GUCY1A2: variants seen among roughly 807,000 people sequenced by gnomAD.
GUCY1A2 encodes the protein guanylate cyclase 1 soluble subunit alpha 2, also known as guanylate cyclase soluble subunit alpha-2.
In GUCY1A2, 27 loss-of-function variants were observed where a neutral mutation model predicts 63.5. The ratio of observed to expected loss-of-function variants is 0.43; its 90% CI spans 0.31 to 0.59. The LOEUF (loss-of-function observed/expected upper bound fraction) is 0.59, where lower values mean the gene tolerates loss of function less well. GUCY1A2 is among the 20% of genes least tolerant of loss of function. GUCY1A2 has a pLI of 0.11. For missense variants in GUCY1A2, 768 were observed against 913.3 expected, an observed-to-expected ratio of 0.84 and a Z score of 2.05; for synonymous variants, 364 against 343.5, an observed-to-expected ratio of 1.06 and a Z score of -0.66.
chr11:106,971,024 A>G (rs1861186313), intron 3 of GUCY1A2, among the ~76,000 whole-genome samples: 1 of 152,178 alleles, frequency 6.6e-6, no homozygotes, highest in African/African-American at 2.4e-5. Context: ...GCAAAACTAT[A>G]GCATGGCAAA....
intron 4 of GUCY1A2, among the ~76,000 whole-genome samples, chr11:106,880,402 G>A (rs1160377795): frequency 6.6e-6 from 1 of 151,870 alleles, no homozygotes; most frequent in African/African-American, 2.4e-5. Flanking sequence ...AAACTGTAGT[G>A]GTTCTCCTGT....
chr11:106,842,396 T>A (rs1392450895), intron 4 of GUCY1A2, among the ~76,000 whole-genome samples: 1 of 151,982 alleles, frequency 6.6e-6, no homozygotes, highest in Non-Finnish European at 1.5e-5. Flanking sequence ...TAAAGGCCAC[T>A]ATGTAGTCCC....
At chr11:106,882,071 TCTC>T (rs879421857) in intron 4 of GUCY1A2, among the ~76,000 whole-genome samples, 7 of 151,122 alleles carry the variant, frequency 4.6e-5, no homozygotes, top group Non-Finnish European at 7.4e-5. Context: ...TTTCTTTTCT[TCTC>T]CTTCCTTCCT....
chr11:106,783,756 T>C lies in GUCY1A2; in HGVS notation c.1693-7174A>G, dbSNP rs145352704. ...AGATTTTGAACATGTAGCATGTCGT[T>C]AGATGTCTGAACTCTTTACCTCTTA... On this transcript the variant is annotated intron_variant, in intron 5 of 7. Coordinates refer to ENST00000526355, the MANE Select transcript of GUCY1A2 (RefSeq NM_000855.3). 1.1e-3 allele frequency among the ~76,000 whole-genome samples: 171 copies of C among 152,314 alleles called. 2 individuals are homozygous for C. The East Asian group carries it at 0.026, about 23-fold the overall frequency.
At position 106,708,664 on chromosome 11, in the gene GUCY1A2, C is replaced by T. The variant is rs148799635; in HGVS notation, c.1839G>A (p.Met613Ile). ...VLTPDGRPIQ[M>I]RIGIHSGSVL... is the part of the protein sequence containing the mutation. ...CGGAGCCTGAGTGAATTCCTATCCT[C>T]ATCTAAAGAAGAATGAAAGAGGAAA... Residue 613 changes from methionine to isoleucine, a missense_variant and splice_region_variant, in exon 7 of 8, where the codon ATG becomes ATA. Around this residue, in one of 3 missense-constraint regions of GUCY1A2, gnomAD observed 150 missense variants for 188.3 expected, o/e 0.80. Coordinates refer to ENST00000526355, the MANE Select transcript of GUCY1A2 (RefSeq NM_000855.3). 3 of 1,576,658 alleles carry T rather than the reference C, an allele frequency of 1.9e-6. No homozygotes were observed. In the Admixed American group the frequency reaches 5.3e-5, roughly 28 times the overall value.
At position 106,681,583 on chromosome 11, in the gene GUCY1A2, C is replaced by T. The variant is rs1390264676; in HGVS notation, c.*5966G>A. ...TATTAATCACTTTACAGCATGTTTGCAAATGAATAACTTCTGAGATAGATT... is the reference window on the plus strand; with the variant it reads ...TATTAATCACTTTACAGCATGTTTGTAAATGAATAACTTCTGAGATAGATT... On this transcript the variant is annotated 3_prime_UTR_variant, in exon 8 of 8. Coordinates refer to ENST00000526355, the MANE Select transcript of GUCY1A2 (RefSeq NM_000855.3). The T allele has an allele frequency of 4.5e-6, 1 of 222,544 alleles. No individual in the cohort carries two copies. Among genetic ancestry groups the T allele is most frequent in the Non-Finnish European group, 9.0e-6 (1 of 111,422 alleles). 13.8% of individuals were successfully genotyped at this position (222,544 alleles called of 1,614,324 possible).
At chr11:106,871,111 A>G (rs1859671192) in intron 4 of GUCY1A2, among the ~76,000 whole-genome samples, 1 of 152,192 alleles carries the variant, frequency 6.6e-6, no homozygotes, top group African/African-American at 2.4e-5. Flanking sequence ...GTAAGTGAGC[A>G]TCTGACTACC....
chr11:107,004,364 T>G (rs1861646168), intron 1 of GUCY1A2, among the ~76,000 whole-genome samples: 1 of 152,230 alleles, frequency 6.6e-6, no homozygotes, highest in Admixed American at 6.5e-5. Flanking sequence ...AATTTAGTGA[T>G]ACATATTATA....
At chr11:106,773,670 G>A (rs1864298418) in intron 6 of GUCY1A2, among the ~76,000 whole-genome samples, 1 of 152,178 alleles carries the variant, frequency 6.6e-6, no homozygotes, top group Admixed American at 6.5e-5. Context: ...CTCACCAACA[G>A]TGGCACTGTC....
intron 4 of GUCY1A2, among the ~76,000 whole-genome samples, chr11:106,904,348 T>C (rs1860175239): frequency 6.6e-6 from 1 of 152,120 alleles, no homozygotes; most frequent in African/African-American, 2.4e-5. Context: ...GACAATGGAA[T>C]TGTGTAATTC....
At chr11:106,899,461 G>A (rs1414486873) in intron 4 of GUCY1A2, among the ~76,000 whole-genome samples, 1 of 152,016 alleles carries the variant, frequency 6.6e-6, no homozygotes, top group Non-Finnish European at 1.5e-5. Context: ...AACAAGTGTG[G>A]GTGAATTTCA....
intron 6 of GUCY1A2, among the ~76,000 whole-genome samples, chr11:106,767,629 T>C (rs1591268022): frequency 1.3e-5 from 2 of 152,284 alleles, no homozygotes; most frequent in South Asian, 4.1e-4. Context: ...TTCTGTCTCA[T>C]TGACATACAC....
At chr11:106,863,626 C>T (rs186275022) in intron 4 of GUCY1A2, among the ~76,000 whole-genome samples, 3,235 of 151,258 alleles carry the variant, frequency 0.021, 113 homozygotes, top group African/African-American at 0.074. Context: ...TGGGCTCTTT[C>T]TTGGTTCCAT....
rs1165788533 is a variant in GUCY1A2, at chr11:106,678,131, G to C, written c.*9418C>G. 7 of 197,558 alleles carry C rather than the reference G, an allele frequency of 3.5e-5. No individual in the cohort carries two copies. Among genetic ancestry groups the C allele is most frequent in the Non-Finnish European group, 2.1e-5 (2 of 95,294 alleles). The allele number at this position is 197,558 out of a possible 1,614,324, so 12.2% of individuals were successfully genotyped here. A position where few individuals can be genotyped will look rare whatever the true frequency, so the allele number is the denominator to read the frequency against. On this transcript the variant is annotated 3_prime_UTR_variant, in exon 8 of 8. Coordinates refer to ENST00000526355, the MANE Select transcript of GUCY1A2 (RefSeq NM_000855.3). ...CAAAAATTAAAGAATTTTTCTAAAA[G>C]TCCCCCTGAATTACTTTAGATAATT...
chr11:106,776,658 C>T, intron 5 of GUCY1A2, 76 bp from the exon 6 acceptor site: 5 of 1,357,298 alleles, frequency 3.7e-6, no homozygotes, highest in Non-Finnish European at 5.2e-6. Context: ...TCTGCAATCA[C>T]AAATGTTGCT....
chr11:106,894,953 A>C (rs113819260), intron 4 of GUCY1A2, among the ~76,000 whole-genome samples: 52 of 152,278 alleles, frequency 3.4e-4, no homozygotes, highest in African/African-American at 1.3e-3. Flanking sequence ...AGAAAAGTCA[A>C]TGAAAACAAA....
chr11:106,730,929 CTGTT>C (rs1448966530), intron 6 of GUCY1A2, among the ~76,000 whole-genome samples: 13 of 152,168 alleles, frequency 8.5e-5, no homozygotes, highest in African/African-American at 2.6e-4. Flanking sequence ...TGAAAAGTGT[CTGTT>C]TGTGTCCTTT....
chr11:106,965,063 T>C (rs188250216), intron 3 of GUCY1A2, among the ~76,000 whole-genome samples: 157 of 151,896 alleles, frequency 1.0e-3, no homozygotes, highest in African/African-American at 3.7e-3. Flanking sequence ...TACTAATACA[T>C]AAACACAGGG....
intron 4 of GUCY1A2, among the ~76,000 whole-genome samples, chr11:106,905,364 A>G (rs1487527634): frequency 1.3e-5 from 2 of 152,128 alleles, no homozygotes; most frequent in African/African-American, 4.8e-5. Flanking sequence ...ATTTTCTCAC[A>G]TATCTGGAAG....
Sources: gnomAD v4.1 joint callset for allele counts (sites outside exome capture counted in the v4.1 genomes callset) on GRCh38, gnomAD v4.1.1 for gene constraint, gnomAD v4.1.1 regional missense constraint, MANE v1.5 for transcripts, NCBI Gene and HGNC (gene_info 2026-07-23, HGNC 2026-07-21) for gene names.